CAMK1D: variants seen among roughly 807,000 people sequenced by gnomAD.
CAMK1D encodes calcium/calmodulin dependent protein kinase ID, also known as calcium/calmodulin-dependent protein kinase type 1D.
CAMK1D carries 9 observed loss-of-function variants against 47.7 expected under a neutral mutation model. The observed-to-expected ratio is 0.19, with a 90% CI of 0.11 to 0.33. The LOEUF is 0.33. Among genes scored for constraint, CAMK1D ranks in the 10% least tolerant of loss-of-function variants. CAMK1D has a pLI of 1.00. For synonymous variants in CAMK1D, 184 were observed against 184.9 expected (o/e 0.99, Z 0.04); for missense variants, 291 against 488.7 (o/e 0.60, Z 3.81).
intron 1 of CAMK1D, among the ~76,000 whole-genome samples, chr10:12,534,705 A>AC (rs1362739278): frequency 6.6e-6 from 1 of 152,078 alleles, no homozygotes; most frequent in Non-Finnish European, 1.5e-5. Context: ...ATAAGCCATT[A>AC]TTTTTCTCTC....
intron 3 of CAMK1D, among the ~76,000 whole-genome samples, chr10:12,690,331 G>C (rs1319005647): frequency 1.3e-5 from 2 of 152,182 alleles, no homozygotes; most frequent in Non-Finnish European, 2.9e-5. Flanking sequence ...TGGAGGAAGA[G>C]TCATTTTCTA....
chr10:12,368,757 AAG>A (rs1284042100), intron 1 of CAMK1D, among the ~76,000 whole-genome samples: 1 of 151,734 alleles, frequency 6.6e-6, no homozygotes, highest in African/African-American at 2.4e-5. Flanking sequence ...AAAAAAAAAA[AAG>A]AAAGAGTATA....
chr10:12,801,346 TATC>T lies in CAMK1D; in HGVS notation c.641+10114_641+10116del, dbSNP rs1265489557. 3.7e-3 allele frequency among the ~76,000 whole-genome samples: 323 copies of T among 87,322 alleles called. 3 individuals carry two copies. Among genetic ancestry groups the T allele is most frequent in the African/African-American group, 0.016 (263 of 16,700 alleles). The allele number at this position is 87,322 out of a possible 152,430, so 57.3% of individuals were successfully genotyped here. Reference sequence around the variant, plus strand: ...CTATCTATCTATCTATCTATCTATCTATCTATCTTATCTATCTATCTATCTATC... The same window carrying T: ...CTATCTATCTATCTATCTATCTATCTTATCTTATCTATCTATCTATCTATC... On this transcript the variant is annotated intron_variant, in intron 6 of 10. Transcript: ENST00000619168.
chr10:12,391,944 C>T (rs1055086160), intron 1 of CAMK1D, among the ~76,000 whole-genome samples: 7 of 151,570 alleles, frequency 4.6e-5, no homozygotes, highest in Non-Finnish European at 7.4e-5. Flanking sequence ...CACTGCACTC[C>T]AGCCTGGATA....
chr10:12,405,949 G>A (rs143067993), intron 1 of CAMK1D, among the ~76,000 whole-genome samples: 141 of 152,304 alleles, frequency 9.3e-4, no homozygotes, highest in African/African-American at 2.5e-3. Flanking sequence ...GAAATCGACG[G>A]GAGAAAGGGC....
At chr10:12,391,973 TAAA>T (rs1838747544) in intron 1 of CAMK1D, among the ~76,000 whole-genome samples, 1 of 112,212 alleles carries the variant, frequency 8.9e-6, no homozygotes, top group Non-Finnish European at 1.8e-5. Flanking sequence ...AGACTTGTCT[TAAA>T]ACACACACAC....
At position 12,589,728 on chromosome 10, in the gene CAMK1D, T is replaced by G. The variant is rs150420361; in HGVS notation, c.224+36372T>G. Among the ~76,000 whole-genome samples, 449 of 152,316 alleles carry G rather than the reference T, an allele frequency of 2.9e-3. 5 individuals carry two copies. The East Asian group carries it at 0.049, about 17-fold the overall frequency. On this transcript the variant is annotated intron_variant, in intron 2 of 10. Transcript: ENST00000619168. Reference sequence around the variant, plus strand: ...CAGGGGGCAGCAGGAATTAGTAATTTTCAGCATTTACTACTTCCTAGGAAC... The same window carrying G: ...CAGGGGGCAGCAGGAATTAGTAATTGTCAGCATTTACTACTTCCTAGGAAC...
chr10:12,437,107 A>C (rs1832655211), intron 1 of CAMK1D, among the ~76,000 whole-genome samples: 1 of 38,160 alleles, frequency 2.6e-5, no homozygotes, highest in South Asian at 2.2e-3. Flanking sequence ...TAGACTCAGC[A>C]GCCAGATTTT....
chr10:12,589,262 C>T (rs1215310820), intron 2 of CAMK1D, among the ~76,000 whole-genome samples: 3 of 152,198 alleles, frequency 2.0e-5, no homozygotes, highest in African/African-American at 7.2e-5. Context: ...AATCTTCCCA[C>T]CTTGGCCTCC....
rs374980979 is a variant in CAMK1D, at chr10:12,695,930, T to C, written c.299+29120T>C. 1.6e-4 allele frequency among the ~76,000 whole-genome samples: 24 copies of C among 151,356 alleles called. No homozygotes were observed. In the East Asian group the frequency reaches 3.4e-3, roughly 21 times the overall value. ...CGTCTCTACTAAAAATACAAAAAAT[T>C]AGCTGGGCCTGGTGGCGGACGCCTG... On this transcript the variant is annotated intron_variant, in intron 3 of 10. Transcript: ENST00000619168.
chr10:12,616,327 G>C (rs1300277136), intron 2 of CAMK1D, among the ~76,000 whole-genome samples: 1 of 152,140 alleles, frequency 6.6e-6, no homozygotes, highest in East Asian at 1.9e-4. Flanking sequence ...GGTTATCTTG[G>C]ACAGTAATAG....
At chr10:12,653,227 T>A (rs1840028302) in intron 2 of CAMK1D, 1 of 154,252 alleles carries the variant, frequency 6.5e-6, no homozygotes, top group Admixed American at 6.5e-5. Flanking sequence ...ACAAATGGGT[T>A]AATCTATTCA....
chr10:12,484,234 G>A (rs1016185333), intron 1 of CAMK1D, among the ~76,000 whole-genome samples: 2 of 152,134 alleles, frequency 1.3e-5, no homozygotes, highest in Admixed American at 6.5e-5. Context: ...GCTTCCCACC[G>A]GGCATTGCAA....
At chr10:12,555,206 G>A (rs1055638745) in intron 2 of CAMK1D, among the ~76,000 whole-genome samples, 2 of 152,172 alleles carry the variant, frequency 1.3e-5, no homozygotes, top group East Asian at 1.9e-4. Flanking sequence ...TGAATAAACC[G>A]TCTCGCCCAC....
At chr10:12,515,310 CCT>C (rs1564383764) in intron 1 of CAMK1D, among the ~76,000 whole-genome samples, 4 of 152,014 alleles carry the variant, frequency 2.6e-5, no homozygotes, top group South Asian at 2.1e-4. Flanking sequence ...GCCAGATTCC[CCT>C]GTGTTACTCC....
intron 3 of CAMK1D, among the ~76,000 whole-genome samples, chr10:12,691,724 TACAAGC>T (rs1832938167): frequency 6.6e-6 from 1 of 152,036 alleles, no homozygotes; most frequent in Non-Finnish European, 1.5e-5. Context: ...GTGCTGGGAT[TACAAGC>T]ATGAGCCACC....
intron 1 of CAMK1D, among the ~76,000 whole-genome samples, chr10:12,457,029 C>G (rs1833270964): frequency 6.6e-6 from 1 of 152,074 alleles, no homozygotes; most frequent in Non-Finnish European, 1.5e-5. Context: ...CAATAAGGGA[C>G]TGGTTAAAGG....
intron 3 of CAMK1D, among the ~76,000 whole-genome samples, chr10:12,747,141 C>T (rs1312614983): frequency 1.3e-5 from 2 of 152,162 alleles, no homozygotes; most frequent in African/African-American, 2.4e-5. Context: ...AAGCGATTCT[C>T]CTGCCTCAGC....
At chr10:12,729,287 A>G (rs538316279) in intron 3 of CAMK1D, among the ~76,000 whole-genome samples, 6 of 152,238 alleles carry the variant, frequency 3.9e-5, no homozygotes, top group East Asian at 3.8e-4. Flanking sequence ...ACCAATAAAC[A>G]TAATAAATAA....
Sources: allele counts gnomAD v4.1 joint callset (sites outside exome capture counted in the v4.1 genomes callset), GRCh38; gene constraint gnomAD v4.1.1; transcripts MANE v1.5; gene names NCBI Gene and HGNC (gene_info 2026-07-23, HGNC 2026-07-21).